MAGI2: variants seen among roughly 807,000 people sequenced by gnomAD.
MAGI2 encodes membrane-associated guanylate kinase, WW and PDZ domain-containing protein 2.
In MAGI2, 35 loss-of-function variants were observed where a neutral mutation model predicts 133.3. The ratio of observed to expected loss-of-function variants is 0.26; its 90% CI spans 0.20 to 0.35. The LOEUF is 0.35. MAGI2 is among the 10% of genes least tolerant of loss of function. The pLI, the probability that MAGI2 is intolerant of heterozygous loss-of-function variation, is 1.00. For missense variants in MAGI2, 1,636 were observed against 1,863.4 expected (o/e 0.88, Z 2.25); for synonymous variants, 729 against 710.6 (o/e 1.03, Z -0.41).
intron 9 of MAGI2, among the ~76,000 whole-genome samples, chr7:78,297,488 C>CAAAGG (rs1797379471): frequency 1.3e-5 from 2 of 151,210 alleles, no homozygotes; most frequent in African/African-American, 4.9e-5. Flanking sequence ...GGTATATACC[C>CAAAGG]AAAGGACTAT....
chr7:78,566,003 A>G (rs1022422605), intron 3 of MAGI2, among the ~76,000 whole-genome samples: 1 of 152,188 alleles, frequency 6.6e-6, no homozygotes, highest in Non-Finnish European at 1.5e-5. Flanking sequence ...TGCAGAGAAC[A>G]GTGTGTAAAG....
chr7:79,040,213 G>A (rs990187720), intron 1 of MAGI2, among the ~76,000 whole-genome samples: 4 of 151,692 alleles, frequency 2.6e-5, no homozygotes, highest in African/African-American at 4.8e-5. Flanking sequence ...TCCTTCACTC[G>A]GCACTTCTCA....
Position 78,505,430 on chromosome 7 carries a change from T to A in MAGI2, c.755-3643A>T, listed in dbSNP as rs528262388. On this transcript the variant is annotated intron_variant, in intron 4 of 21. Transcript: ENST00000354212. Reference sequence around the variant, plus strand: ...AAAGATTTGATCTTTGTAAGTTTTGTAGGATAAAAGCAGTAAAAACAGGTA... The same window carrying A: ...AAAGATTTGATCTTTGTAAGTTTTGAAGGATAAAAGCAGTAAAAACAGGTA... 3.3e-5 allele frequency among the ~76,000 whole-genome samples: 5 copies of A among 152,162 alleles called. No homozygotes were observed. The East Asian group carries it at 9.6e-4, about 29-fold the overall frequency.
At chr7:78,540,313 G>A (rs1012059207) in intron 3 of MAGI2, among the ~76,000 whole-genome samples, 1 of 152,138 alleles carries the variant, frequency 6.6e-6, no homozygotes, top group African/African-American at 2.4e-5. Context: ...CCTCCCAGGC[G>A]GATTATGGCT....
intron 9 of MAGI2, among the ~76,000 whole-genome samples, chr7:78,289,976 A>C (rs900694937): frequency 8.5e-5 from 13 of 152,226 alleles, no homozygotes; most frequent in African/African-American, 3.1e-4. Flanking sequence ...GGAAAGGAAC[A>C]ACCGGTACCA....
At position 78,019,933 on chromosome 7, in the gene MAGI2, A is replaced by C. The variant is rs763421239; in HGVS notation, c.3750T>G (p.Gly1250=). ...CCAGGGAGACGCCTACTTCCGGCAGACCTGGGGCGGCGGCAGCGGGAGAAC... is the reference window on the plus strand; with the variant it reads ...CCAGGGAGACGCCTACTTCCGGCAGCCCTGGGGCGGCGGCAGCGGGAGAAC... ...PWSSPAAAAP[G]LPEVGVSLDD... The change falls in exon 22 of 22, where the codon GGT becomes GGG. Residue 1250 remains glycine (G), a synonymous_variant. Transcript: ENST00000354212. 5 of 1,609,392 alleles carry C rather than the reference A, an allele frequency of 3.1e-6. No individual in the cohort carries two copies. The African/African-American group carries it at 5.4e-5, about 17-fold the overall frequency.
At chr7:78,591,666 T>C (rs890130687) in intron 3 of MAGI2, among the ~76,000 whole-genome samples, 1 of 152,224 alleles carries the variant, frequency 6.6e-6, no homozygotes, top group African/African-American at 2.4e-5. Context: ...TGGAAGCATT[T>C]GGGACTTGAA....
chr7:78,512,469 G>A (rs1209869877), intron 4 of MAGI2, among the ~76,000 whole-genome samples: 1 of 152,120 alleles, frequency 6.6e-6, no homozygotes, highest in South Asian at 2.1e-4. Flanking sequence ...GTAGTGGTGC[G>A]ATCTCAGCTC....
At chr7:79,187,666 C>T (rs1827284520) in intron 1 of MAGI2, among the ~76,000 whole-genome samples, 1 of 151,830 alleles carries the variant, frequency 6.6e-6, no homozygotes, top group South Asian at 2.1e-4. Flanking sequence ...AAATAGAAAA[C>T]ATCTCAATTT....
chr7:78,225,153 C>T (rs1293881363), intron 10 of MAGI2, among the ~76,000 whole-genome samples: 2 of 152,126 alleles, frequency 1.3e-5, no homozygotes, highest in African/African-American at 4.8e-5. Flanking sequence ...CATCAGAGAT[C>T]ACTTGTCAGC....
intron 2 of MAGI2, among the ~76,000 whole-genome samples, chr7:78,858,156 G>A (rs1360696945): frequency 6.6e-6 from 1 of 151,700 alleles, no homozygotes; most frequent in Non-Finnish European, 1.5e-5. Flanking sequence ...TTCTTTCTTA[G>A]TCTTGCTAGT....
At chr7:78,857,379 G>T (rs1793747237) in intron 2 of MAGI2, among the ~76,000 whole-genome samples, 1 of 152,128 alleles carries the variant, frequency 6.6e-6, no homozygotes, top group Non-Finnish European at 1.5e-5. Context: ...GTATGATATT[G>T]GCTGTGGGTT....
intron 20 of MAGI2, among the ~76,000 whole-genome samples, chr7:78,112,995 C>T (rs565560983): frequency 1.4e-4 from 22 of 152,106 alleles, no homozygotes; most frequent in African/African-American, 3.9e-4. Flanking sequence ...CCCAGGGGAA[C>T]GGGTGGGGGA....
At chr7:79,152,499 A>G (rs1823347784) in intron 1 of MAGI2, among the ~76,000 whole-genome samples, 1 of 152,248 alleles carries the variant, frequency 6.6e-6, no homozygotes, top group South Asian at 2.1e-4. Flanking sequence ...AAATTATGCA[A>G]GTAAGTGCTA....
chr7:78,903,131 G>A lies in MAGI2; in HGVS notation c.418+103959C>T, dbSNP rs117633121. On this transcript the variant is annotated intron_variant, in intron 2 of 21. Transcript: ENST00000354212. Reference sequence around the variant, plus strand: ...TATGAACATGTGAACACATTGCTAGGGCCACTTTCTCGGGATTCATGCAAG... The same window carrying A: ...TATGAACATGTGAACACATTGCTAGAGCCACTTTCTCGGGATTCATGCAAG... Among the ~76,000 whole-genome samples, 5 of 146,092 alleles carry A rather than the reference G, an allele frequency of 3.4e-5. No homozygotes were observed. In the East Asian group the frequency reaches 1.0e-3, roughly 30 times the overall value.
At chr7:78,047,663 C>T (rs1007842662) in intron 21 of MAGI2, among the ~76,000 whole-genome samples, 4 of 152,186 alleles carry the variant, frequency 2.6e-5, no homozygotes, top group Admixed American at 6.5e-5. Context: ...GCAATATTGT[C>T]CTTGTGGCCC....
intron 2 of MAGI2, among the ~76,000 whole-genome samples, chr7:78,818,076 G>T (rs1398356794): frequency 5.3e-5 from 8 of 152,132 alleles, no homozygotes; most frequent in African/African-American, 1.9e-4. Context: ...GCCAGATCCA[G>T]TTCTATTCTA....
chr7:79,281,373 A>G (rs953243919), intron 1 of MAGI2, among the ~76,000 whole-genome samples: 2 of 152,130 alleles, frequency 1.3e-5, no homozygotes, highest in African/African-American at 4.8e-5. Flanking sequence ...TGGGACACAC[A>G]CTGAGAGATA....
chr7:78,258,420 A>G (rs1793206577), intron 9 of MAGI2, among the ~76,000 whole-genome samples: 1 of 152,162 alleles, frequency 6.6e-6, no homozygotes, highest in African/African-American at 2.4e-5. Context: ...AGAACAACAA[A>G]TACTTGTATA....
Sources: allele counts gnomAD v4.1 joint callset (sites outside exome capture counted in the v4.1 genomes callset), GRCh38; gene constraint gnomAD v4.1.1; transcripts MANE v1.5; gene names NCBI Gene and HGNC (gene_info 2026-07-23, HGNC 2026-07-21).